Variants in COLGALT2 observed in about 807,000 individuals in gnomAD.
COLGALT2 encodes the protein collagen beta(1-O)galactosyltransferase 2, also known as procollagen galactosyltransferase 2.
In COLGALT2, 49 loss-of-function variants were observed where a neutral mutation model predicts 73.4. The observed-to-expected ratio is 0.67, with a 90% CI of 0.53 to 0.85. The LOEUF (loss-of-function observed/expected upper bound fraction) is 0.85, where lower values mean the gene tolerates loss of function less well. Among genes scored for constraint, COLGALT2 ranks in the 40% least tolerant of loss-of-function variants. COLGALT2 has a pLI of 0.00. For missense variants in COLGALT2, 722 were observed against 790.2 expected (o/e 0.91, Z 1.03); for synonymous variants, 295 against 307.6 (o/e 0.96, Z 0.43).
At chr1:183,961,978 T>C (rs1255725725) in intron 6 of COLGALT2, among the ~76,000 whole-genome samples, 1 of 152,056 alleles carries the variant, frequency 6.6e-6, no homozygotes, top group Non-Finnish European at 1.5e-5. Context: ...ATTTAACAAA[T>C]ATTTGCTGGG....
chr1:184,037,611 G>A lies in COLGALT2; in HGVS notation c.-254C>T. 1 of 1,072,390 alleles carries A rather than the reference G, an allele frequency of 9.3e-7. No individual in the cohort carries two copies. Among genetic ancestry groups the A allele is most frequent in the Non-Finnish European group, 1.1e-6 (1 of 887,462 alleles). 66.4% of individuals were successfully genotyped at this position (1,072,390 alleles called of 1,614,324 possible). On this transcript the variant is annotated 5_prime_UTR_variant, in exon 1 of 12. Transcript: ENST00000361927. ...GCCGCTGGCGCTCCCCTGCGCCTCG[G>A]GCTCGCAGACAGTAGTGGCCGAGGG...
chr1:184,011,369 A>G (rs1176594274), intron 1 of COLGALT2, among the ~76,000 whole-genome samples: 1 of 152,232 alleles, frequency 6.6e-6, no homozygotes, highest in East Asian at 1.9e-4. Context: ...TAACTGGGAA[A>G]GATAAATTAT....
chr1:183,978,664 A>G (rs1207576744), intron 1 of COLGALT2, 144 bp from the exon 2 acceptor site: 1 of 550,490 alleles, frequency 1.8e-6, no homozygotes. Context: ...CTCATAGTCC[A>G]AACTAGACAA....
intron 5 of COLGALT2, among the ~76,000 whole-genome samples, chr1:183,966,918 ATTTAGGACCAAGG>A (rs1475441380): frequency 6.6e-6 from 1 of 152,244 alleles, no homozygotes; most frequent in East Asian, 1.9e-4. Context: ...GGGGTGAAAG[ATTTAGGACCAAGG>A]TTTGTGGTTG....
Position 183,972,695 on chromosome 1 carries a change from CT to C in COLGALT2, c.627+920del, listed in dbSNP as rs34534605. On this transcript the variant is annotated intron_variant, in intron 4 of 11. Transcript: ENST00000361927. Reference sequence around the variant, plus strand: ...ATCGAAGGTCATTGAAATATTTGTACTTTTTTTTTTTTTTTCTTTTTTGAGA... The same window carrying C: ...ATCGAAGGTCATTGAAATATTTGTACTTTTTTTTTTTTTTCTTTTTTGAGA... 6.4e-3 allele frequency among the ~76,000 whole-genome samples: 921 copies of C among 142,826 alleles called. 4 individuals are homozygous for C. The highest frequency in any genetic ancestry group is 0.019 in the African/African-American group (732 of 39,306). The allele number at this position is 142,826 out of a possible 152,430, so 93.7% of individuals were successfully genotyped here.
At chr1:183,972,209 A>C (rs1055554284) in intron 4 of COLGALT2, among the ~76,000 whole-genome samples, 1 of 152,170 alleles carries the variant, frequency 6.6e-6, no homozygotes, top group Non-Finnish European at 1.5e-5. Flanking sequence ...GGGCTCAAGC[A>C]ATACTCCCTG....
chr1:183,941,511 G>A (rs186051000), intron 10 of COLGALT2, among the ~76,000 whole-genome samples: 1 of 152,340 alleles, frequency 6.6e-6, no homozygotes, highest in Non-Finnish European at 1.5e-5. Flanking sequence ...CCATGGATCT[G>A]TGCTCCATTA....
chr1:183,964,417 A>G, intron 5 of COLGALT2: 1 of 234,114 alleles, frequency 4.3e-6, no homozygotes, highest in Non-Finnish European at 8.2e-6. Context: ...TCCACATTTG[A>G]TATGAAAGCA....
chr1:183,975,067 G>C, intron 3 of COLGALT2, 30 bp downstream of exon 3: 1 of 1,488,422 alleles, frequency 6.7e-7, no homozygotes, highest in South Asian at 1.1e-5. Flanking sequence ...TGAGATGACA[G>C]TTGTCAAGAA....
At chr1:184,032,380 G>A (rs1572690006) in intron 1 of COLGALT2, among the ~76,000 whole-genome samples, 1 of 152,172 alleles carries the variant, frequency 6.6e-6, no homozygotes, top group Admixed American at 6.5e-5. Context: ...AAAAGACACT[G>A]TGCATACCTT....
chr1:184,031,212 T>C (rs906357558), intron 1 of COLGALT2, among the ~76,000 whole-genome samples: 1 of 152,222 alleles, frequency 6.6e-6, no homozygotes, highest in African/African-American at 2.4e-5. Context: ...ATTTTACCAA[T>C]ATGAACTGAA....
chr1:183,957,778 GTT>G (rs367921171), intron 6 of COLGALT2, among the ~76,000 whole-genome samples: 15 of 118,904 alleles, frequency 1.3e-4, no homozygotes, highest in Admixed American at 3.4e-4. Context: ...TTTTGTGGTG[GTT>G]TTTTTTTTTT....
chr1:183,961,646 G>C (rs1310666723), intron 6 of COLGALT2, among the ~76,000 whole-genome samples: 1 of 152,220 alleles, frequency 6.6e-6, no homozygotes, highest in Non-Finnish European at 1.5e-5. Flanking sequence ...AAAAGCGACA[G>C]TGTCTAAGTT....
Position 184,009,332 on chromosome 1 carries a change from C to T in COLGALT2, c.263+27763G>A, listed in dbSNP as rs1477578907. 3.9e-5 allele frequency among the ~76,000 whole-genome samples: 6 copies of T among 152,284 alleles called. No individual in the cohort carries two copies. The South Asian group carries it at 6.2e-4, about 16-fold the overall frequency. ...CATTTTATTAAGAGATTGACATTTT[C>T]GTAATCAACATAATTTCCTTCAATC... On this transcript the variant is annotated intron_variant, in intron 1 of 11. Coordinates refer to ENST00000361927, the MANE Select transcript of COLGALT2 (RefSeq NM_015101.4).
intron 10 of COLGALT2, among the ~76,000 whole-genome samples, chr1:183,941,101 C>T (rs563281915): frequency 2.6e-5 from 4 of 152,288 alleles, no homozygotes; most frequent in African/African-American, 9.6e-5. Context: ...TGGGATGGGG[C>T]TTCCAGCTGT....
intron 1 of COLGALT2, among the ~76,000 whole-genome samples, chr1:184,004,321 A>G (rs1460733243): frequency 1.3e-5 from 2 of 152,218 alleles, no homozygotes; most frequent in Admixed American, 1.3e-4. Context: ...TAGGAAAAAA[A>G]CCCATAACTA....
At chr1:183,967,416 C>T (rs1232131228) in intron 5 of COLGALT2, among the ~76,000 whole-genome samples, 1 of 152,218 alleles carries the variant, frequency 6.6e-6, no homozygotes, top group African/African-American at 2.4e-5. Context: ...AGTCACCAAA[C>T]AACTTTGGGT....
rs1191678238 is a variant in COLGALT2, at chr1:183,938,732, C to A, written c.*29G>T. On this transcript the variant is annotated 3_prime_UTR_variant, in exon 12 of 12. Transcript: ENST00000361927. ...TTTAGAAAAACCAGAGGATGTTGAA[C>A]TGATGTGGGCCACACTCCCAGGGAG... 1 of 1,609,006 alleles carries A rather than the reference C, an allele frequency of 6.2e-7. No individual in the cohort carries two copies. The highest frequency in any genetic ancestry group is 8.5e-7 in the Non-Finnish European group (1 of 1,176,938).
Position 183,988,097 on chromosome 1 carries a change from A to G in COLGALT2, c.264-9577T>C, listed in dbSNP as rs1408235749. ...ATATGGCTGGGAGGACAGCAATACT[A>G]TCACTTTGCTGCTTTCACAAAACAG... On this transcript the variant is annotated intron_variant, in intron 1 of 11. Transcript: ENST00000361927. 2.0e-5 allele frequency among the ~76,000 whole-genome samples: 3 copies of G among 152,228 alleles called. No individual in the cohort carries two copies. In the East Asian group the frequency reaches 5.8e-4, roughly 29 times the overall value.
Sources: allele counts gnomAD v4.1 joint callset (sites outside exome capture counted in the v4.1 genomes callset), GRCh38; gene constraint gnomAD v4.1.1; transcripts MANE v1.5; gene names NCBI Gene and HGNC (gene_info 2026-07-23, HGNC 2026-07-21).